Variants in LRRC3B observed in about 807,000 individuals in gnomAD.
LRRC3B encodes the protein leucine-rich repeat-containing protein 3B.
In LRRC3B, 2 loss-of-function variants were observed where a neutral mutation model predicts 12.8. The ratio of observed to expected loss-of-function variants is 0.16; its 90% CI spans 0.06 to 0.49. The LOEUF is 0.49. Ranked by LOEUF, LRRC3B falls within the 20% of genes least tolerant of loss-of-function variation. The pLI, the probability that LRRC3B is intolerant of heterozygous loss-of-function variation, is 0.96. For missense variants in LRRC3B, 189 were observed against 319.4 expected (o/e 0.59, Z 3.11); for synonymous variants, 132 against 122.0 (o/e 1.08, Z -0.54).
At chr3:26,709,407 C>T (rs2125468298) in intron 1 of LRRC3B, 106 bp from the exon 2 acceptor site, 2 of 474,002 alleles carry the variant, frequency 4.2e-6, no homozygotes, top group South Asian at 6.7e-5. Context: ...ACCTGCATAA[C>T]TAACCCCCCT....
chr3:26,707,156 A>G (rs563208412), intron 1 of LRRC3B, among the ~76,000 whole-genome samples: 3 of 151,144 alleles, frequency 2.0e-5, no homozygotes, highest in Non-Finnish European at 4.4e-5. Flanking sequence ...GTTCAAGACC[A>G]GCCTGGCCAA....
At chr3:26,635,910 G>T (rs1242517010) in intron 1 of LRRC3B, among the ~76,000 whole-genome samples, 2 of 152,138 alleles carry the variant, frequency 1.3e-5, no homozygotes, top group Non-Finnish European at 2.9e-5. Context: ...TAGTGTTGGG[G>T]ACTTCTTGCA....
At chr3:26,671,360 A>ATATATG (rs1366605877) in intron 1 of LRRC3B, among the ~76,000 whole-genome samples, 7 of 66,060 alleles carry the variant, frequency 1.1e-4, no homozygotes, top group African/African-American at 6.8e-4. Context: ...GTATATATAT[A>ATATATG]TATATATATA....
At chr3:26,650,123 C>T (rs1699236335) in intron 1 of LRRC3B, among the ~76,000 whole-genome samples, 1 of 152,214 alleles carries the variant, frequency 6.6e-6, no homozygotes, top group Non-Finnish European at 1.5e-5. Flanking sequence ...TTACAAAAAA[C>T]TTAAAGTCTA....
chr3:26,682,662 T>C (rs1699994976), intron 1 of LRRC3B, among the ~76,000 whole-genome samples: 1 of 152,158 alleles, frequency 6.6e-6, no homozygotes, highest in African/African-American at 2.4e-5. Flanking sequence ...AATGCTCCTT[T>C]TGGTGGGGCT....
At chr3:26,709,411 C>T (rs1457492500) in intron 1 of LRRC3B, 102 bp from the exon 2 acceptor site, 3 of 474,342 alleles carry the variant, frequency 6.3e-6, no homozygotes, top group East Asian at 3.4e-5. Flanking sequence ...GCATAACTAA[C>T]CCCCCTGCTC....
At chr3:26,642,140 A>G (rs540741384) in intron 1 of LRRC3B, among the ~76,000 whole-genome samples, 1 of 152,232 alleles carries the variant, frequency 6.6e-6, no homozygotes, top group African/African-American at 2.4e-5. Context: ...ATCTGCTTCT[A>G]CATTCACTCT....
At chr3:26,658,069 A>G (rs1273141862) in intron 1 of LRRC3B, among the ~76,000 whole-genome samples, 7 of 152,092 alleles carry the variant, frequency 4.6e-5, no homozygotes, top group South Asian at 2.1e-4. Context: ...TCATCATTTA[A>G]GTCAGCTTTC....
At chr3:26,674,355 A>G (rs1335671805) in intron 1 of LRRC3B, among the ~76,000 whole-genome samples, 1 of 152,218 alleles carries the variant, frequency 6.6e-6, no homozygotes, top group Non-Finnish European at 1.5e-5. Context: ...ACATGAAACT[A>G]AATGGACTAA....
At chr3:26,678,167 G>A (rs990578246) in intron 1 of LRRC3B, among the ~76,000 whole-genome samples, 13 of 152,006 alleles carry the variant, frequency 8.6e-5, no homozygotes, top group Admixed American at 3.9e-4. Flanking sequence ...AGTCCAAGAG[G>A]CTTTCTTGTG....
At chr3:26,681,502 C>T (rs1308942481) in intron 1 of LRRC3B, among the ~76,000 whole-genome samples, 2 of 152,154 alleles carry the variant, frequency 1.3e-5, no homozygotes, top group Non-Finnish European at 2.9e-5. Context: ...GGATTGAAAT[C>T]AGGCTTAGCA....
rs144948813 is a variant in LRRC3B, at chr3:26,655,951, T to C, written c.-161+32714T>C. 3.0e-3 allele frequency among the ~76,000 whole-genome samples: 461 copies of C among 152,294 alleles called. 3 individuals are homozygous for C. Among genetic ancestry groups the C allele is most frequent in the African/African-American group, 0.011 (443 of 41,554 alleles). ...TCAGAGACTAAAGGACTAGTCAAAA[T>C]GGTCATACTAATAAATGATAGTGCC... On this transcript the variant is annotated intron_variant, in intron 1 of 1. Coordinates refer to ENST00000396641, the Ensembl canonical transcript of LRRC3B.
chr3:26,667,799 G>A (rs1699637744), intron 1 of LRRC3B, among the ~76,000 whole-genome samples: 1 of 152,140 alleles, frequency 6.6e-6, no homozygotes, highest in African/African-American at 2.4e-5. Context: ...CAAAAACAGG[G>A]TGTCTCTTGT....
intron 1 of LRRC3B, among the ~76,000 whole-genome samples, chr3:26,671,369 TATATAGAGAGAGAGAG>T (rs1699734383): frequency 2.6e-5 from 1 of 38,196 alleles, no homozygotes; most frequent in Non-Finnish European, 4.7e-5. Flanking sequence ...TATATATATA[TATATAGAGAGAGAGAG>T]AGAGAGAGAG....
intron 1 of LRRC3B, among the ~76,000 whole-genome samples, chr3:26,707,538 T>C (rs941828076): frequency 7.9e-5 from 12 of 152,192 alleles, no homozygotes; most frequent in Non-Finnish European, 1.6e-4. Context: ...ACTCCTTTAA[T>C]GAATCCCAAG....
chr3:26,686,973 G>A (rs909067414), intron 1 of LRRC3B, among the ~76,000 whole-genome samples: 1 of 152,180 alleles, frequency 6.6e-6, no homozygotes, highest in Non-Finnish European at 1.5e-5. Flanking sequence ...CTCTGCCACA[G>A]AGACAATCCC....
chr3:26,653,832 C>A (rs1392145503), intron 1 of LRRC3B, among the ~76,000 whole-genome samples: 1 of 152,140 alleles, frequency 6.6e-6, no homozygotes, highest in African/African-American at 2.4e-5. Flanking sequence ...CATGACCACA[C>A]AAAGATACCT....
chr3:26,642,845 T>A (rs1435825773), intron 1 of LRRC3B, among the ~76,000 whole-genome samples: 1 of 152,036 alleles, frequency 6.6e-6, no homozygotes, highest in Non-Finnish European at 1.5e-5. Context: ...GGTGAAAGCC[T>A]GTCTCTACTA....
At chr3:26,699,855 A>G (rs1466900306) in intron 1 of LRRC3B, among the ~76,000 whole-genome samples, 1 of 152,220 alleles carries the variant, frequency 6.6e-6, no homozygotes, top group Non-Finnish European at 1.5e-5. Flanking sequence ...AACATGTTGC[A>G]TAATAAATAT....
Sources: gnomAD v4.1 joint callset for allele counts (sites outside exome capture counted in the v4.1 genomes callset) on GRCh38, gnomAD v4.1.1 for gene constraint, MANE v1.5 for transcripts, NCBI Gene and HGNC (gene_info 2026-07-23, HGNC 2026-07-21) for gene names.